The following SCUBE1 variants were observed in gnomAD, a reference collection of about 807,000 sequenced individuals.
SCUBE1 encodes signal peptide, CUB and EGF-like domain-containing protein 1.
A neutral mutation model predicts 124.4 loss-of-function variants in SCUBE1; 59 were observed. The ratio of observed to expected loss-of-function variants is 0.47; its 90% confidence interval spans 0.38 to 0.59. SCUBE1 has a LOEUF of 0.59. Among genes scored for constraint, SCUBE1 ranks in the 20% least tolerant of loss-of-function variants. The pLI, the probability that SCUBE1 is intolerant of heterozygous loss-of-function variation, is 0.00. For synonymous variants in SCUBE1, 545 were observed against 550.9 expected, an observed-to-expected ratio of 0.99 and a Z score of 0.15; for missense variants, 1,150 against 1,371.2, an observed-to-expected ratio of 0.84 and a Z score of 2.55.
At chr22:43,261,405 C>T (rs1210833582) in intron 5 of SCUBE1, among the ~76,000 whole-genome samples, 2 of 152,204 alleles carry the variant, frequency 1.3e-5, no homozygotes, top group African/African-American at 4.8e-5. Context: ...TTGGACCATA[C>T]CTGGGACAGA....
intron 13 of SCUBE1, 60 bp downstream of exon 13, chr22:43,221,113 G>T: frequency 7.2e-7 from 1 of 1,379,788 alleles, no homozygotes; most frequent in Non-Finnish European, 1.0e-6. Flanking sequence ...CCAGCTCCCA[G>T]GCATGAGGAC....
chr22:43,286,372 A>C (rs1267848897), intron 4 of SCUBE1, among the ~76,000 whole-genome samples: 1 of 152,222 alleles, frequency 6.6e-6, no homozygotes, highest in African/African-American at 2.4e-5. Context: ...AGACAATGCG[A>C]CGTTTCCTCT....
intron 3 of SCUBE1, among the ~76,000 whole-genome samples, chr22:43,308,257 G>C (rs778244536): frequency 6.6e-6 from 1 of 152,198 alleles, no homozygotes; most frequent in Non-Finnish European, 1.5e-5. Context: ...GCCTGGATCT[G>C]TCTTGTACTC....
Position 43,258,187 on chromosome 22 carries a change from A to T in SCUBE1, c.727+32T>A. ...ATGGGGGGTCGGGGGCGGGGGGCGCAAGGGTGGTGTGTGGCAGAGGTGCCT... is the reference window on the plus strand; with the variant it reads ...ATGGGGGGTCGGGGGCGGGGGGCGCTAGGGTGGTGTGTGGCAGAGGTGCCT... On this transcript the variant is annotated intron_variant, in intron 6 of 21. Coordinates refer to ENST00000360835, the MANE Select transcript of SCUBE1 (RefSeq NM_173050.5). The surrounding 1 kb of genome is among the most constrained non-coding windows in gnomAD (Gnocchi z 5.0). 6.8e-7 allele frequency: 1 copy of T among 1,460,034 alleles called. No homozygotes were observed. Among genetic ancestry groups the T allele is most frequent in the Non-Finnish European group, 9.6e-7 (1 of 1,042,912 alleles). The allele number at this position is 1,460,034 out of a possible 1,614,324, so 90.4% of individuals were successfully genotyped here.
chr22:43,289,589 A>C (rs1023339752), intron 4 of SCUBE1, among the ~76,000 whole-genome samples: 5 of 152,164 alleles, frequency 3.3e-5, no homozygotes, highest in Non-Finnish European at 7.3e-5. Flanking sequence ...TTTTGCTTTC[A>C]CTTTCTCAGG....
Position 43,281,509 on chromosome 22 carries a change from TCCTCAGCCACCCTCCTGTCACCTC to T in SCUBE1, c.484+9513_484+9536del, listed in dbSNP as rs1466719513. Reference sequence around the variant, plus strand: ...CTTTGGCCACCCTCCTGTCACCTCCTCCTCAGCCACCCTCCTGTCACCTCCCTCAGTCACCCTCCTGTCACCTCC... The same window carrying T: ...CTTTGGCCACCCTCCTGTCACCTCCTCCTCAGTCACCCTCCTGTCACCTCC... On this transcript the variant is annotated intron_variant, in intron 4 of 21. Coordinates refer to ENST00000360835, the MANE Select transcript of SCUBE1 (RefSeq NM_173050.5). 4.2e-4 allele frequency among the ~76,000 whole-genome samples: 21 copies of T among 50,316 alleles called. No individual in the cohort carries two copies. The South Asian group carries it at 7.9e-3, about 19-fold the overall frequency. The allele number at this position is 50,316 out of a possible 152,430, so 33.0% of individuals were successfully genotyped here.
At chr22:43,239,092 G>A (rs1228963351) in intron 6 of SCUBE1, 138 bp from the exon 7 acceptor site, 3 of 650,856 alleles carry the variant, frequency 4.6e-6, no homozygotes, top group Non-Finnish European at 8.2e-6. Flanking sequence ...CTCTGGCTGT[G>A]GGACTCTAGG....
chr22:43,224,205 A>AC (rs1922216450), intron 10 of SCUBE1, among the ~76,000 whole-genome samples: 1 of 152,014 alleles, frequency 6.6e-6, no homozygotes, highest in Non-Finnish European at 1.5e-5. Context: ...TCCTTGGTCA[A>AC]CCCCCGGGGC....
At position 43,212,535 on chromosome 22, in the gene SCUBE1, G is replaced by A. The variant is rs1436128594; in HGVS notation, c.2111C>T (p.Pro704Leu). 1 of 1,563,318 alleles carries A rather than the reference G, an allele frequency of 6.4e-7. No homozygotes were observed. The highest frequency in any genetic ancestry group is 2.4e-5 in the East Asian group (1 of 41,624). ...ADGFKPCQAC[P>L]VGTYQPEPGR... ...GGGCTCAGGCTGGTACGTGCCCACGGGGCAGGCCTGGCAGGGCTTGAAGCC... is the reference window on the plus strand; with the variant it reads ...GGGCTCAGGCTGGTACGTGCCCACGAGGCAGGCCTGGCAGGGCTTGAAGCC... The change falls in exon 17 of 22, where the codon CCC becomes CTC. Residue 704 changes from proline (P) to leucine (L), a missense_variant. This residue lies in a region of SCUBE1 where 757 missense variants were observed against 840.9 expected (regional missense o/e 0.90). Coordinates refer to ENST00000360835, the MANE Select transcript of SCUBE1 (RefSeq NM_173050.5).
In SCUBE1 at chr22:43,210,135, G is replaced by A; in HGVS notation, c.2489C>T (p.Pro830Leu). ...GATGAGGATCCTGCGCTTTGGGGGA[G>A]GCGCGATGTGCCAGACGCATTCAGC... ...ANAECVWHIAPPPKRRILIVV... is the reference protein window; with the variant it reads ...ANAECVWHIALPPKRRILIVV... The change falls in exon 19 of 22, where the codon CCT (proline) becomes CTT (leucine). Residue 830 changes from proline to leucine, a missense_variant. Physicochemically the swap from Pro to Leu is moderately conservative, Grantham distance 98. This residue lies in a region of SCUBE1 where 757 missense variants were observed against 840.9 expected (regional missense o/e 0.90). Transcript: ENST00000360835. The surrounding 1 kb of genome is among the most constrained non-coding windows in gnomAD (Gnocchi z 4.5). 1 of 1,612,750 alleles carries A rather than the reference G, an allele frequency of 6.2e-7. No individual in the cohort carries two copies. The highest frequency in any genetic ancestry group is 8.5e-7 in the Non-Finnish European group (1 of 1,179,582).
At chr22:43,333,903 T>C (rs1926979107) in intron 2 of SCUBE1, among the ~76,000 whole-genome samples, 1 of 152,192 alleles carries the variant, frequency 6.6e-6, no homozygotes, top group Admixed American at 6.5e-5. Context: ...ACGTGGAACA[T>C]GTAGCAGGGT....
chr22:43,320,176 T>C (rs1187026541), intron 2 of SCUBE1, 111 bp from the exon 3 acceptor site: 2 of 1,325,108 alleles, frequency 1.5e-6, no homozygotes, highest in African/African-American at 2.9e-5. Context: ...TCAACAAGTA[T>C]TCACTTCAGT....
intron 4 of SCUBE1, among the ~76,000 whole-genome samples, chr22:43,275,138 A>G (rs775628400): frequency 2.0e-5 from 3 of 152,174 alleles, no homozygotes; most frequent in Non-Finnish European, 2.9e-5. Flanking sequence ...AGCAGGAACA[A>G]GCCCATGCAG....
chr22:43,215,853 GGGGT>G (rs1276215155), intron 15 of SCUBE1, among the ~76,000 whole-genome samples: 1 of 152,060 alleles, frequency 6.6e-6, no homozygotes, highest in Admixed American at 6.6e-5. Flanking sequence ...GGAGCTGAAT[GGGGT>G]GGGTGTGTGG....
intron 6 of SCUBE1, among the ~76,000 whole-genome samples, chr22:43,240,953 G>T (rs1166891198): frequency 6.6e-6 from 1 of 152,190 alleles, no homozygotes; most frequent in East Asian, 1.9e-4. Flanking sequence ...AACATGGCAG[G>T]GTGCAGAGGG....
intron 4 of SCUBE1, among the ~76,000 whole-genome samples, chr22:43,289,043 A>G (rs1165341783): frequency 6.6e-6 from 1 of 152,144 alleles, no homozygotes; most frequent in African/African-American, 2.4e-5. Flanking sequence ...CCCTTCTTTC[A>G]ACCAGGGGCC....
Position 43,297,506 on chromosome 22 carries a change from C to T in SCUBE1, c.350-6326G>A, listed in dbSNP as rs189907817. On this transcript the variant is annotated intron_variant, in intron 3 of 21. Coordinates refer to ENST00000360835, the MANE Select transcript of SCUBE1 (RefSeq NM_173050.5). ...CTCGGTCCTCACAGGCGCAGGCCAC[C>T]TCCACCTGCTGCCAGCCACTGAAGG... is the stretch of plus-strand genomic sequence containing the variant. Among the ~76,000 whole-genome samples the T allele has an allele frequency of 5.9e-5, 9 of 152,382 alleles. No homozygotes were observed. The East Asian group carries it at 1.7e-3, about 29-fold the overall frequency.
intron 4 of SCUBE1, among the ~76,000 whole-genome samples, chr22:43,290,840 G>A (rs1236203284): frequency 2.0e-5 from 3 of 152,192 alleles, no homozygotes; most frequent in South Asian, 2.1e-4. Context: ...AGAAACACCC[G>A]CAGCCCTAGT....
intron 6 of SCUBE1, among the ~76,000 whole-genome samples, chr22:43,252,221 TTCTC>T (rs778297764): frequency 2.6e-5 from 4 of 152,208 alleles, no homozygotes; most frequent in African/African-American, 9.6e-5. Context: ...GCTCGAGGTA[TTCTC>T]TCTCTCCGGC....
Sources: allele counts gnomAD v4.1 joint callset (sites outside exome capture counted in the v4.1 genomes callset), GRCh38; gene constraint gnomAD v4.1.1; regional missense constraint gnomAD v4.1.1; non-coding constraint Gnocchi (gnomAD v3.1); transcripts MANE v1.5; gene names NCBI Gene and HGNC (gene_info 2026-07-23, HGNC 2026-07-21).